GAN: variants seen among roughly 807,000 people sequenced by gnomAD.
GAN encodes gigaxonin.
A neutral mutation model predicts 71.3 loss-of-function variants in GAN; 48 were observed. The observed-to-expected ratio is 0.67, with a 90% confidence interval of 0.53 to 0.86. The LOEUF is 0.86. GAN is among the 40% of genes least tolerant of loss of function. The pLI, the probability that GAN is intolerant of heterozygous loss-of-function variation, is 0.00. For synonymous variants in GAN, 386 were observed against 276.8 expected, an observed-to-expected ratio of 1.39 and a Z score of -3.92; for missense variants, 928 against 770.1, an observed-to-expected ratio of 1.21 and a Z score of -2.43.
chr16:81,372,557 C>T (rs1456042269), intron 9 of GAN, among the ~76,000 whole-genome samples: 2 of 152,156 alleles, frequency 1.3e-5, no homozygotes, highest in Non-Finnish European at 2.9e-5. Flanking sequence ...TCATTTGAAG[C>T]CTTGTCTTTA....
chr16:81,320,301 A>C (rs1224228394), intron 1 of GAN, among the ~76,000 whole-genome samples: 3 of 152,226 alleles, frequency 2.0e-5, no homozygotes, highest in Non-Finnish European at 2.9e-5. Context: ...ATGGGCACTA[A>C]AGTCCGTGAG....
chr16:81,371,208 A>G (rs564221817), intron 9 of GAN, among the ~76,000 whole-genome samples: 2 of 152,218 alleles, frequency 1.3e-5, no homozygotes, highest in South Asian at 2.1e-4. Context: ...CTATCTTTCC[A>G]TCACAAGCAT....
chr16:81,349,172 C>G (rs1910216707), intron 1 of GAN, among the ~76,000 whole-genome samples: 1 of 152,158 alleles, frequency 6.6e-6, no homozygotes, highest in African/African-American at 2.4e-5. Flanking sequence ...CTGTTTTTAG[C>G]TTATCTTTCA....
intron 1 of GAN, among the ~76,000 whole-genome samples, chr16:81,326,159 A>C (rs1399373661): frequency 1.3e-5 from 2 of 152,174 alleles, no homozygotes; most frequent in Non-Finnish European, 2.9e-5. Flanking sequence ...GTGATTTTAA[A>C]GCCCATCATC....
Position 81,389,006 on chromosome 16 carries a change from C to T in GAN, c.*11410C>T, listed in dbSNP as rs310024. The T allele has an allele frequency of 0.23, 35,186 of 151,986 alleles. 4,444 individuals are homozygous for T. The highest frequency in any genetic ancestry group is 0.3 in the Non-Finnish European group (20,270 of 67,962). 9.4% of individuals were successfully genotyped at this position (151,986 alleles called of 1,614,324 possible). On this transcript the variant is annotated 3_prime_UTR_variant, in exon 11 of 11. Transcript: ENST00000648994. ...ATCATGTAGGATCTGGTACATGGGG[C>T]GGGCAAAAGGGTATCATCAGCTTAA...
intron 9 of GAN, among the ~76,000 whole-genome samples, chr16:81,369,651 G>C (rs1910972669): frequency 6.6e-6 from 1 of 152,134 alleles, no homozygotes; most frequent in Admixed American, 6.5e-5. Context: ...GAGTGCAGTG[G>C]CGTGATCTCG....
At chr16:81,323,527 C>A (rs978873364) in intron 1 of GAN, among the ~76,000 whole-genome samples, 1 of 152,128 alleles carries the variant, frequency 6.6e-6, no homozygotes, top group Non-Finnish European at 1.5e-5. Context: ...GTTGTGTTTA[C>A]CAATAATAGA....
At chr16:81,374,009 G>A (rs939400658) in intron 9 of GAN, among the ~76,000 whole-genome samples, 2 of 152,180 alleles carry the variant, frequency 1.3e-5, no homozygotes, top group African/African-American at 2.4e-5. Context: ...CTAAAGTGCT[G>A]GGATTACAGG....
chr16:81,356,942 C>T lies in GAN; in HGVS notation c.791C>T (p.Ala264Val), dbSNP rs754982933. ...SQPQQGEAML[A>V]NFKPRGYSEC... ...CCGCAGCAAGGGGAGGCGATGCTGGCCAACTTCAAACCCCGGGGCTACTCT... is the reference window on the plus strand; with the variant it reads ...CCGCAGCAAGGGGAGGCGATGCTGGTCAACTTCAAACCCCGGGGCTACTCT... The change falls in exon 4 of 11, where the codon GCC becomes GTC. Residue 264 changes from alanine to valine, a missense_variant. Coordinates refer to ENST00000648994, the MANE Select transcript of GAN (RefSeq NM_022041.4). The T allele has an allele frequency of 1.9e-6, 3 of 1,613,690 alleles. No homozygotes were observed. The South Asian group carries it at 3.3e-5, about 18-fold the overall frequency.
At chr16:81,341,439 C>G (rs751985841) in intron 1 of GAN, among the ~76,000 whole-genome samples, 2 of 152,226 alleles carry the variant, frequency 1.3e-5, no homozygotes, top group Admixed American at 1.3e-4. Context: ...GTGGATCTCT[C>G]TGCAGAAACC....
At chr16:81,370,547 C>A (rs1433030377) in intron 9 of GAN, among the ~76,000 whole-genome samples, 1 of 152,238 alleles carries the variant, frequency 6.6e-6, no homozygotes, top group Non-Finnish European at 1.5e-5. Context: ...AGGAACAAAT[C>A]AGGAAGTATT....
intron 1 of GAN, among the ~76,000 whole-genome samples, chr16:81,316,781 A>T (rs917028558): frequency 6.6e-6 from 1 of 152,120 alleles, no homozygotes; most frequent in Non-Finnish European, 1.5e-5. Context: ...AGCACTTACC[A>T]CTTTGACGTA....
At chr16:81,364,563 C>T (rs913227587) in intron 7 of GAN, among the ~76,000 whole-genome samples, 2 of 152,162 alleles carry the variant, frequency 1.3e-5, no homozygotes, top group Non-Finnish European at 2.9e-5. Context: ...GTGCTGTGCA[C>T]CTGTAGTCCC....
rs971073468 is a variant in GAN at position 81,345,253 on chromosome 16, G to A, written c.168-6330G>A. On this transcript the variant is annotated intron_variant, in intron 1 of 10. Transcript: ENST00000648994. Reference sequence around the variant, plus strand: ...TGACCCAGCAATCCCATTACTGGGCGTATACCCAAAGGATTGTAAATCATT... The same window carrying A: ...TGACCCAGCAATCCCATTACTGGGCATATACCCAAAGGATTGTAAATCATT... Among the ~76,000 whole-genome samples, 8 of 152,152 alleles carry A rather than the reference G, an allele frequency of 5.3e-5. 1 individual carries two copies. Among genetic ancestry groups the A allele is most frequent in the Admixed American group, 3.9e-4 (6 of 15,278 alleles).
intron 7 of GAN, among the ~76,000 whole-genome samples, chr16:81,364,194 G>T (rs946316924): frequency 6.6e-6 from 1 of 152,124 alleles, no homozygotes; most frequent in African/African-American, 2.4e-5. Flanking sequence ...CTCCACATTT[G>T]AGTGTGCAAA....
At chr16:81,372,515 T>A (rs1911068761) in intron 9 of GAN, among the ~76,000 whole-genome samples, 1 of 152,206 alleles carries the variant, frequency 6.6e-6, no homozygotes, top group African/African-American at 2.4e-5. Flanking sequence ...CCTGAAGATG[T>A]GATTCAGTTA....
chr16:81,325,594 C>T (rs1909358797), intron 1 of GAN, among the ~76,000 whole-genome samples: 2 of 152,110 alleles, frequency 1.3e-5, no homozygotes, highest in East Asian at 3.9e-4. Flanking sequence ...TCTACAGGAC[C>T]AGGAAGGGAT....
intron 1 of GAN, among the ~76,000 whole-genome samples, chr16:81,341,952 A>T (rs1269338108): frequency 6.6e-6 from 1 of 152,242 alleles, no homozygotes; most frequent in East Asian, 1.9e-4. Flanking sequence ...TACCAAGCAA[A>T]TGGAAAGCAG....
rs1904292807 is a variant in GAN, at chr16:81,379,067, C to T, written c.*1471C>T. Reference sequence around the variant, plus strand: ...TTTTTTTTTTCCTTTTGGAATATGGCTGTAAGAAGCAGCATTTTGTCTTAT... The same window carrying T: ...TTTTTTTTTTCCTTTTGGAATATGGTTGTAAGAAGCAGCATTTTGTCTTAT... On this transcript the variant is annotated 3_prime_UTR_variant, in exon 11 of 11. Transcript: ENST00000648994. 6.6e-6 allele frequency: 1 copy of T among 151,406 alleles called. No individual in the cohort carries two copies. Among genetic ancestry groups the T allele is most frequent in the Admixed American group, 6.6e-5 (1 of 15,212 alleles). 9.4% of individuals were successfully genotyped at this position (151,406 alleles called of 1,614,324 possible).
Sources: gnomAD v4.1 joint callset for allele counts (sites outside exome capture counted in the v4.1 genomes callset) on GRCh38, gnomAD v4.1.1 for gene constraint, MANE v1.5 for transcripts, NCBI Gene and HGNC (gene_info 2026-07-23, HGNC 2026-07-21) for gene names.